CMSS1: variants seen among roughly 807,000 people sequenced by gnomAD.
The protein encoded by CMSS1 is protein CMSS1.
In CMSS1, 33 loss-of-function variants were observed where a neutral mutation model predicts 43.5. The observed-to-expected ratio is 0.76, with a 90% CI of 0.57 to 1.01. The LOEUF (loss-of-function observed/expected upper bound fraction) is 1.01. Ranked by LOEUF, CMSS1 falls within the 50% of genes least tolerant of loss-of-function variation. The pLI is 0.00. For missense variants in CMSS1, 313 were observed against 326.4 expected, an observed-to-expected ratio of 0.96 and a Z score of 0.32; for synonymous variants, 115 against 117.2, an observed-to-expected ratio of 0.98 and a Z score of 0.12.
At chr3:99,906,574 C>G (rs1706625672) in intron 1 of CMSS1, among the ~76,000 whole-genome samples, 1 of 152,100 alleles carries the variant, frequency 6.6e-6, no homozygotes, top group African/African-American at 2.4e-5. Flanking sequence ...ACTTTATGTT[C>G]TTTTCAAGAA....
chr3:100,175,763 C>T (rs1436198985), intron 8 of CMSS1, among the ~76,000 whole-genome samples: 2 of 152,150 alleles, frequency 1.3e-5, no homozygotes, highest in Admixed American at 1.3e-4. Flanking sequence ...CTTCAGCCCT[C>T]ACAGTCCATA....
chr3:99,848,177 C>T (rs1943453523), intron 1 of CMSS1: 19 of 1,536,792 alleles, frequency 1.2e-5, no homozygotes, highest in South Asian at 3.9e-5. Context: ...TCCCAAAGTA[C>T]GAGTTCAGTC....
chr3:99,820,088 TA>T (rs1322328221), intron 1 of CMSS1, among the ~76,000 whole-genome samples: 1 of 152,070 alleles, frequency 6.6e-6, no homozygotes, highest in East Asian at 1.9e-4. Flanking sequence ...AGTAAAACTT[TA>T]AATCGCTACA....
intron 1 of CMSS1, among the ~76,000 whole-genome samples, chr3:99,945,535 A>G (rs1376939282): frequency 3.3e-5 from 5 of 152,188 alleles, no homozygotes; most frequent in Non-Finnish European, 5.9e-5. Flanking sequence ...GAAGCTTACA[A>G]TTAAGGAGGG....
chr3:100,072,879 C>G (rs1236739327), intron 1 of CMSS1, among the ~76,000 whole-genome samples: 1 of 152,188 alleles, frequency 6.6e-6, no homozygotes, highest in Admixed American at 6.5e-5. Context: ...CCCACTTCCT[C>G]TAACTTGTCA....
intron 1 of CMSS1, among the ~76,000 whole-genome samples, chr3:99,916,850 C>T (rs376220548): frequency 1.4e-4 from 21 of 152,286 alleles, no homozygotes; most frequent in African/African-American, 4.8e-4. Flanking sequence ...ATCATCTTCA[C>T]GGCTGGCCAA....
At chr3:100,040,984 G>A (rs1327487507) in intron 1 of CMSS1, 1 of 152,158 alleles carries the variant, frequency 6.6e-6, no homozygotes, top group African/African-American at 2.4e-5. Flanking sequence ...GAATTTTGCT[G>A]AAAAATCTGT....
intron 1 of CMSS1, among the ~76,000 whole-genome samples, chr3:99,968,393 G>A (rs1708716879): frequency 6.6e-6 from 1 of 150,856 alleles, no homozygotes; most frequent in African/African-American, 2.4e-5. Context: ...TTGAATAGTA[G>A]TATGAAGTAG....
chr3:99,841,340 C>T (rs537540334), intron 1 of CMSS1, among the ~76,000 whole-genome samples: 1 of 152,340 alleles, frequency 6.6e-6, no homozygotes, highest in African/African-American at 2.4e-5. Flanking sequence ...CTTTCCATTT[C>T]TACTATGCCT....
chr3:99,844,273 T>C (rs991712231), intron 1 of CMSS1, among the ~76,000 whole-genome samples: 6 of 152,168 alleles, frequency 3.9e-5, no homozygotes, highest in African/African-American at 1.4e-4. Flanking sequence ...GAGGTTCTCA[T>C]TGGATAGCTC....
intron 1 of CMSS1, among the ~76,000 whole-genome samples, chr3:99,986,496 AAGAAAT>A (rs1202022365): frequency 3.3e-5 from 5 of 152,334 alleles, no homozygotes; most frequent in African/African-American, 1.2e-4. Context: ...TTGATAGTGA[AAGAAAT>A]AGACGAGAAC....
chr3:99,991,891 TGTGTGTATATATATAC>T (rs947552613), intron 1 of CMSS1, among the ~76,000 whole-genome samples: 5 of 149,990 alleles, frequency 3.3e-5, no homozygotes, highest in African/African-American at 9.8e-5. Context: ...TATGTATATA[TGTGTGTATATATATAC>T]ATATATAGGT....
chr3:100,162,423 A>G lies in CMSS1; in HGVS notation c.346A>G (p.Asn116Asp). The G allele has an allele frequency of 6.2e-7, 1 of 1,612,302 alleles. No homozygotes were observed. Residue 116 changes from asparagine (N) to aspartate (D), a missense_variant, in exon 4 of 10, where the codon AAC becomes GAC. Coordinates refer to ENST00000421999, the MANE Select transcript of CMSS1 (RefSeq NM_032359.4). ...RRLVIELEELNLPDSCFLKAN... is the reference protein window; with the variant it reads ...RRLVIELEELDLPDSCFLKAN... ...CTTGGTGATTGAATTAGAAGAACTG[A>G]ACCTGCCAGGTATAGCCAAGCTTCA...
At chr3:99,846,634 AATG>A (rs1943375500) in intron 1 of CMSS1, among the ~76,000 whole-genome samples, 1 of 152,244 alleles carries the variant, frequency 6.6e-6, no homozygotes, top group Admixed American at 6.5e-5. Flanking sequence ...AAATTTATTT[AATG>A]ATGATGCAAG....
At chr3:100,073,718 G>A (rs754926120) in intron 1 of CMSS1, among the ~76,000 whole-genome samples, 7 of 152,090 alleles carry the variant, frequency 4.6e-5, no homozygotes, top group Non-Finnish European at 1.0e-4. Flanking sequence ...CATGACAGCC[G>A]GTGTTCACTC....
chr3:99,883,634 C>G (rs1705801287), intron 1 of CMSS1, among the ~76,000 whole-genome samples: 1 of 152,242 alleles, frequency 6.6e-6, no homozygotes, highest in African/African-American at 2.4e-5. Context: ...ACTGCACACC[C>G]AAATGTTGTC....
intron 1 of CMSS1, among the ~76,000 whole-genome samples, chr3:99,862,846 A>G (rs1944328351): frequency 6.6e-6 from 1 of 152,186 alleles, no homozygotes; most frequent in Non-Finnish European, 1.5e-5. Flanking sequence ...TCTACTCCAC[A>G]GCTCTTCTCC....
At chr3:100,136,448 C>G (rs1304556925) in intron 1 of CMSS1, among the ~76,000 whole-genome samples, 4 of 152,208 alleles carry the variant, frequency 2.6e-5, no homozygotes, top group Non-Finnish European at 5.9e-5. Flanking sequence ...CTCCTCCAAG[C>G]AGCCCCCTCA....
chr3:100,024,016 A>G (rs2064874568), intron 1 of CMSS1, among the ~76,000 whole-genome samples: 1 of 152,184 alleles, frequency 6.6e-6, no homozygotes, highest in Admixed American at 6.5e-5. Flanking sequence ...CTCCCCCTTC[A>G]GCTGACAGAC....
Sources: gnomAD v4.1 joint callset for allele counts (sites outside exome capture counted in the v4.1 genomes callset) on GRCh38, gnomAD v4.1.1 for gene constraint, MANE v1.5 for transcripts, NCBI Gene and HGNC (gene_info 2026-07-23, HGNC 2026-07-21) for gene names.